KALRN: variants seen among roughly 807,000 people sequenced by gnomAD.
KALRN encodes the protein kalirin RhoGEF kinase.
KALRN carries 70 observed loss-of-function variants against 353.7 expected under a neutral mutation model. That is an observed-to-expected ratio of 0.20 (90% CI 0.16 to 0.24). The LOEUF is 0.24. KALRN is among the 10% of genes least tolerant of loss of function. The pLI, the probability that KALRN is intolerant of heterozygous loss-of-function variation, is 1.00. For synonymous variants in KALRN, 1,391 were observed against 1,434.8 expected (o/e 0.97, Z 0.69); for missense variants, 2,791 against 3,756.7 (o/e 0.74, Z 6.72).
chr3:124,627,096 AG>A (rs1420228262), intron 34 of KALRN, among the ~76,000 whole-genome samples: 2 of 152,256 alleles, frequency 1.3e-5, no homozygotes, highest in African/African-American at 4.8e-5. Flanking sequence ...TTTCCAAAAA[AG>A]ATGGGATGAG....
chr3:124,540,131 G>A (rs907402570), intron 33 of KALRN, among the ~76,000 whole-genome samples: 3 of 152,174 alleles, frequency 2.0e-5, no homozygotes, highest in African/African-American at 4.8e-5. Context: ...ATGTTGCCCA[G>A]GCTGGTCTCA....
chr3:124,441,360 T>A (rs981849370), intron 18 of KALRN, among the ~76,000 whole-genome samples: 1 of 152,182 alleles, frequency 6.6e-6, no homozygotes, highest in African/African-American at 2.4e-5. Context: ...CATTTCTGAT[T>A]TTTATCTGAG....
chr3:124,245,366 A>G (rs968732505), intron 3 of KALRN, among the ~76,000 whole-genome samples: 22 of 151,988 alleles, frequency 1.4e-4, no homozygotes, highest in African/African-American at 4.1e-4. Context: ...TTTATATCAC[A>G]TTTTCTTTAT....
intron 19 of KALRN, among the ~76,000 whole-genome samples, chr3:124,443,509 C>T (rs2093734181): frequency 6.6e-6 from 1 of 152,226 alleles, no homozygotes; most frequent in African/African-American, 2.4e-5. Context: ...CAGAGTTTCT[C>T]TTCCAAATGT....
chr3:124,264,556 G>C lies in KALRN; in HGVS notation c.322G>C (p.Asp108His). The change falls in exon 4 of 60, where the codon GAC becomes CAC. Residue 108 changes from aspartate (D) to histidine (H), a missense_variant. Around this residue, in one of 11 missense-constraint regions of KALRN, gnomAD observed 110 missense variants for 204.1 expected, o/e 0.54. Coordinates refer to ENST00000682506, the MANE Select transcript of KALRN (RefSeq NM_001388419.1). ...VIIDMRGSKW[D>H]LIKPLLKTLQ... ...CATCGACATGCGGGGCTCCAAGTGG[G>C]ACCTCATCAAGCCCCTCCTCAAAAC... is the stretch of plus-strand genomic sequence containing the variant. 6.2e-7 allele frequency: 1 copy of C among 1,614,076 alleles called. No homozygotes were observed. The highest frequency in any genetic ancestry group is 8.5e-7 in the Non-Finnish European group (1 of 1,180,002).
chr3:124,355,968 G>A (rs2083358403), intron 10 of KALRN, among the ~76,000 whole-genome samples: 1 of 151,738 alleles, frequency 6.6e-6, no homozygotes, highest in South Asian at 2.1e-4. Context: ...ACCTGCCTTG[G>A]CCTCCCAAAG....
At chr3:124,491,271 T>G (rs2063134635) in intron 30 of KALRN, 52 bp from the exon 31 acceptor site, 1 of 1,337,256 alleles carries the variant, frequency 7.5e-7, no homozygotes, top group Non-Finnish European at 1.0e-6. Flanking sequence ...AGCCCTAAGT[T>G]TCCCCACTGC....
At chr3:124,610,514 G>A (rs1282002048) in intron 34 of KALRN, among the ~76,000 whole-genome samples, 2 of 152,088 alleles carry the variant, frequency 1.3e-5, no homozygotes, top group Non-Finnish European at 2.9e-5. Context: ...GGGTGATTAG[G>A]GCAGGTGGAT....
At chr3:124,650,271 G>A (rs929313854) in intron 37 of KALRN, among the ~76,000 whole-genome samples, 4 of 152,206 alleles carry the variant, frequency 2.6e-5, no homozygotes, top group African/African-American at 9.6e-5. Flanking sequence ...CAAAGGGGTT[G>A]TACAGCTATT....
At chr3:124,235,345 G>A (rs1388144286) in intron 3 of KALRN, among the ~76,000 whole-genome samples, 4 of 152,118 alleles carry the variant, frequency 2.6e-5, no homozygotes, top group Non-Finnish European at 5.9e-5. Flanking sequence ...TACAGTATAT[G>A]TGTGGTATTA....
intron 16 of KALRN, among the ~76,000 whole-genome samples, chr3:124,431,297 C>T (rs1292676175): frequency 6.6e-6 from 1 of 152,192 alleles, no homozygotes; most frequent in Non-Finnish European, 1.5e-5. Flanking sequence ...TTTTACCCCG[C>T]TGAAAGCAGT....
chr3:124,056,648 C>G (rs978683388), intron 1 of KALRN, among the ~76,000 whole-genome samples: 1 of 152,192 alleles, frequency 6.6e-6, no homozygotes, highest in Non-Finnish European at 1.5e-5. Flanking sequence ...GCCTGGGAGT[C>G]CCTGTTCTCA....
At chr3:124,666,253 G>A (rs1029299353) in intron 45 of KALRN, among the ~76,000 whole-genome samples, 196 bp from the exon 46 acceptor site, 1 of 152,204 alleles carries the variant, frequency 6.6e-6, no homozygotes, top group Non-Finnish European at 1.5e-5. Context: ...CAGGGCCCTT[G>A]TGTGAACAGG....
chr3:124,315,974 C>G (rs768416825), intron 6 of KALRN, among the ~76,000 whole-genome samples: 7 of 152,134 alleles, frequency 4.6e-5, no homozygotes, highest in African/African-American at 1.7e-4. Flanking sequence ...AGACTGATTA[C>G]AGACATTACA....
intron 9 of KALRN, among the ~76,000 whole-genome samples, chr3:124,340,571 C>A (rs1289771752): frequency 6.6e-6 from 1 of 152,100 alleles, no homozygotes; most frequent in Non-Finnish European, 1.5e-5. Flanking sequence ...ATGGTACTTA[C>A]AAAGTCCTTA....
intron 13 of KALRN, among the ~76,000 whole-genome samples, chr3:124,409,884 A>C (rs1012539228): frequency 1.3e-5 from 2 of 152,002 alleles, no homozygotes; most frequent in African/African-American, 2.4e-5. Flanking sequence ...AGCTGTGGGC[A>C]TCAGTGCCTG....
chr3:124,553,854 G>A (rs2070856925), intron 33 of KALRN, among the ~76,000 whole-genome samples: 1 of 152,250 alleles, frequency 6.6e-6, no homozygotes, highest in South Asian at 2.1e-4. Context: ...AGTTGCCAGT[G>A]GGTTAATCCT....
At chr3:124,366,845 A>C (rs1576325751) in intron 10 of KALRN, among the ~76,000 whole-genome samples, 1 of 121,144 alleles carries the variant, frequency 8.3e-6, no homozygotes, top group Non-Finnish European at 1.7e-5. Context: ...TGACCCCCCC[A>C]CCTCCCTCCC....
At chr3:124,236,937 C>T (rs2079848433) in intron 3 of KALRN, among the ~76,000 whole-genome samples, 1 of 152,224 alleles carries the variant, frequency 6.6e-6, no homozygotes, top group African/African-American at 2.4e-5. Context: ...GTGGGAAGAA[C>T]TGTTCTGTGA....
Sources: gnomAD v4.1 joint callset for allele counts (sites outside exome capture counted in the v4.1 genomes callset) on GRCh38, gnomAD v4.1.1 for gene constraint, gnomAD v4.1.1 regional missense constraint, MANE v1.5 for transcripts, NCBI Gene and HGNC (gene_info 2026-07-23, HGNC 2026-07-21) for gene names.